The following PCLO variants were observed in gnomAD, a reference collection of about 807,000 sequenced individuals.
PCLO encodes piccolo presynaptic cytomatrix protein.
PCLO carries 82 observed loss-of-function variants against 427.5 expected under a neutral mutation model. That is an observed-to-expected ratio of 0.19 (90% confidence interval 0.16 to 0.23). PCLO has a LOEUF of 0.23. PCLO is among the 10% of genes least tolerant of loss of function. The pLI, the probability that PCLO is intolerant of heterozygous loss-of-function variation, is 1.00. For missense variants in PCLO, 6,239 were observed against 6,115.9 expected (o/e 1.02, Z -0.67); for synonymous variants, 2,357 against 2,155.4 (o/e 1.09, Z -2.59).
intron 3 of PCLO, among the ~76,000 whole-genome samples, chr7:83,074,536 T>G (rs1789903170): frequency 6.6e-6 from 1 of 152,056 alleles, no homozygotes; most frequent in African/African-American, 2.4e-5. Context: ...TGTCTACTGA[T>G]CTGATCCACA....
At chr7:83,041,908 G>A (rs1184726598) in intron 3 of PCLO, among the ~76,000 whole-genome samples, 1 of 151,916 alleles carries the variant, frequency 6.6e-6, no homozygotes, top group Non-Finnish European at 1.5e-5. Flanking sequence ...CATCCCCTAG[G>A]GCTTTCAAAG....
chr7:82,909,992 A>G (rs1304255425), intron 7 of PCLO, among the ~76,000 whole-genome samples: 2 of 152,100 alleles, frequency 1.3e-5, no homozygotes, highest in Non-Finnish European at 2.9e-5. Flanking sequence ...ATATTCTATA[A>G]TGACTGAACA....
chr7:82,916,439 A>T lies in PCLO; in HGVS notation c.11547T>A (p.Ser3849Arg), dbSNP rs374906745. The T allele has an allele frequency of 8.8e-5, 142 of 1,613,592 alleles. 1 individual carries two copies. Among genetic ancestry groups the T allele is most frequent in the South Asian group, 7.5e-4 (68 of 91,070 alleles). ...TTCTTGGTCGCTCAATGCCATGCTG[A>T]CTTTCTATTCGGGTTGGTCTTGTGC... The part of the protein sequence containing the change: ...VSSTRPTRIE[S>R]QHGIERPRTA... The change falls in exon 7 of 25, where the codon AGT becomes AGA. Residue 3849 changes from serine to arginine, a missense_variant. By Grantham distance (110) the Ser-to-Arg change is moderately radical (BLOSUM62 -1). This residue lies in a region of PCLO where 680 missense variants were observed against 677.3 expected (regional missense o/e 1.00). Coordinates refer to ENST00000333891, the MANE Select transcript of PCLO (RefSeq NM_033026.6).
Position 83,134,236 on chromosome 7 carries a change from T to TATATAC in PCLO, c.3300+13_3300+14insGTATAT. On this transcript the variant is annotated intron_variant, in intron 3 of 24. Transcript: ENST00000333891. ...CATATGTAATATATATATATATATA[T>TATATAC]ATATATAACTTACCTCAGTCAAATG... The TATATAC allele has an allele frequency of 2.4e-6, 2 of 828,134 alleles. No homozygotes were observed. Among genetic ancestry groups the TATATAC allele is most frequent in the Non-Finnish European group, 3.4e-6 (2 of 581,262 alleles). The allele number at this position is 828,134 out of a possible 1,614,324, so 51.3% of individuals were successfully genotyped here.
chr7:82,866,367 TATG>T (rs749927120), intron 10 of PCLO, among the ~76,000 whole-genome samples: 61 of 152,064 alleles, frequency 4.0e-4, no homozygotes, highest in Non-Finnish European at 7.2e-4. Context: ...AACATTTATA[TATG>T]ATATTAATAT....
intron 22 of PCLO, among the ~76,000 whole-genome samples, chr7:82,779,744 TTC>T (rs1426153355): frequency 6.4e-5 from 6 of 93,980 alleles, no homozygotes; most frequent in African/African-American, 2.1e-4. Context: ...CTTTCTTTCT[TTC>T]TTTTTTTTTT....
chr7:83,090,860 C>T (rs1467749148), intron 3 of PCLO, among the ~76,000 whole-genome samples: 1 of 152,076 alleles, frequency 6.6e-6, no homozygotes, highest in East Asian at 1.9e-4. Context: ...ATTGTACCCT[C>T]CTATCATTGC....
At chr7:82,834,946 CTT>C (rs36081669) in intron 16 of PCLO, among the ~76,000 whole-genome samples, 1 of 122,950 alleles carries the variant, frequency 8.1e-6, no homozygotes, top group South Asian at 3.3e-4. Context: ...CACCTATTAT[CTT>C]TTTTTTTGTT....
intron 3 of PCLO, among the ~76,000 whole-genome samples, chr7:82,984,060 T>C (rs187209560): frequency 1.3e-5 from 2 of 151,930 alleles, no homozygotes; most frequent in African/African-American, 2.4e-5. Flanking sequence ...GAGAAAAAAA[T>C]GTTGCCTTTT....
At chr7:83,051,171 C>T (rs1280130835) in intron 3 of PCLO, among the ~76,000 whole-genome samples, 4 of 151,984 alleles carry the variant, frequency 2.6e-5, no homozygotes, top group Non-Finnish European at 4.4e-5. Context: ...ACAATTTCAC[C>T]TCTCATCACA....
intron 16 of PCLO, among the ~76,000 whole-genome samples, chr7:82,832,553 C>T (rs1792121554): frequency 6.6e-6 from 1 of 151,802 alleles, no homozygotes; most frequent in South Asian, 2.1e-4. Context: ...TTTTATTGGT[C>T]ATTTTGTCAT....
rs142461155 is a variant in PCLO at position 82,794,854 on chromosome 7, G to A, written c.15007+6664C>T. 4.6e-3 allele frequency among the ~76,000 whole-genome samples: 694 copies of A among 152,092 alleles called. 3 individuals are homozygous for A. Among genetic ancestry groups the A allele is most frequent in the African/African-American group, 0.015 (613 of 41,496 alleles). ...ACATGGGAGATCCTTATTTAGTATAGTGATCATTTAGTGATCATACAAGTT... is the reference window on the plus strand; with the variant it reads ...ACATGGGAGATCCTTATTTAGTATAATGATCATTTAGTGATCATACAAGTT... On this transcript the variant is annotated intron_variant, in intron 22 of 24. Transcript: ENST00000333891.
intron 4 of PCLO, among the ~76,000 whole-genome samples, chr7:82,960,971 A>C (rs10270153): frequency 0.074 from 11,185 of 152,136 alleles, 1,396 homozygotes; most frequent in African/African-American, 0.26. Context: ...GTAATCAGAG[A>C]TGGACTATAA....
At chr7:83,118,503 G>C (rs1791189882) in intron 3 of PCLO, among the ~76,000 whole-genome samples, 2 of 150,180 alleles carry the variant, frequency 1.3e-5, no homozygotes, top group African/African-American at 2.4e-5. Context: ...CCATCCCCCA[G>C]CAGTGAGCAT....
At chr7:82,843,932 C>A (rs749377479) in intron 13 of PCLO, among the ~76,000 whole-genome samples, 2 of 151,832 alleles carry the variant, frequency 1.3e-5, no homozygotes, top group South Asian at 4.2e-4. Flanking sequence ...TCCCAAAATG[C>A]GGGGATTACA....
intron 3 of PCLO, among the ~76,000 whole-genome samples, chr7:83,093,472 G>GTGTGTGTGTGTGTGTATATATA (rs745824155): frequency 2.0e-5 from 2 of 99,196 alleles, no homozygotes; most frequent in African/African-American, 9.3e-5. Context: ...ATGTGTGTGT[G>GTGTGTGTGTGTGTGTATATATA]TATAGATATA....
intron 3 of PCLO, among the ~76,000 whole-genome samples, chr7:82,978,037 G>GCAAATC (rs1796059696): frequency 3.3e-5 from 5 of 151,784 alleles, no homozygotes; most frequent in Non-Finnish European, 5.9e-5. Context: ...TAAAGTTTTA[G>GCAAATC]TACCATTTGC....
In PCLO at chr7:83,038,069, ATATT is replaced by A. The variant is rs1358158810; in HGVS notation, c.3301-71586_3301-71583del. 2.7e-4 allele frequency among the ~76,000 whole-genome samples: 15 copies of A among 56,142 alleles called. 1 individual carries two copies. The highest frequency in any genetic ancestry group is 9.5e-4 in the African/African-American group (15 of 15,796). 36.8% of individuals were successfully genotyped at this position (56,142 alleles called of 152,430 possible). A position where few individuals can be genotyped will look rare whatever the true frequency, so the allele number is the denominator to read the frequency against. On this transcript the variant is annotated intron_variant, in intron 3 of 24. Coordinates refer to ENST00000333891, the MANE Select transcript of PCLO (RefSeq NM_033026.6). The stretch of plus-strand genomic sequence containing the variant: ...TATATATCTTTATATATATATTTAT[ATATT>A]TATATATATATCTTTATATATATAT...
At chr7:83,075,914 G>A (rs1034964187) in intron 3 of PCLO, among the ~76,000 whole-genome samples, 2 of 152,024 alleles carry the variant, frequency 1.3e-5, no homozygotes, top group African/African-American at 4.8e-5. Flanking sequence ...AGACAATAAT[G>A]TGTGTAAGCA....
Sources: gnomAD v4.1 joint callset for allele counts (sites outside exome capture counted in the v4.1 genomes callset) on GRCh38, gnomAD v4.1.1 for gene constraint, gnomAD v4.1.1 regional missense constraint, MANE v1.5 for transcripts, NCBI Gene and HGNC (gene_info 2026-07-23, HGNC 2026-07-21) for gene names.